The following KIAA0753 variants were observed in gnomAD, a reference collection of about 807,000 sequenced individuals.
The protein encoded by KIAA0753 is KIAA0753.
KIAA0753 carries 114 observed loss-of-function variants against 116.9 expected under a neutral mutation model. That is an observed-to-expected ratio of 0.98 (90% CI 0.84 to 1.14). The LOEUF (loss-of-function observed/expected upper bound fraction) is 1.14. Ranked by LOEUF, KIAA0753 falls within the 50% of genes most tolerant of loss-of-function variation. The pLI is 0.00. For synonymous variants in KIAA0753, 405 were observed against 413.1 expected (o/e 0.98, Z 0.24); for missense variants, 1,156 against 1,172.4 (o/e 0.99, Z 0.20).
At chr17:6,633,232 G>C (rs1972110816) in intron 2 of KIAA0753, among the ~76,000 whole-genome samples, 1 of 152,218 alleles carries the variant, frequency 6.6e-6, no homozygotes, top group African/African-American at 2.4e-5. Context: ...GTTAGCATTT[G>C]AGGAATCTGG....
intron 18 of KIAA0753, among the ~76,000 whole-genome samples, chr17:6,583,032 A>G (rs899922547): frequency 4.6e-5 from 7 of 152,116 alleles, no homozygotes; most frequent in African/African-American, 1.2e-4. Context: ...ATGCCTCCCT[A>G]TATTTCTGAC....
intron 12 of KIAA0753, among the ~76,000 whole-genome samples, chr17:6,600,694 T>C (rs1969807224): frequency 6.6e-6 from 1 of 152,132 alleles, no homozygotes. Flanking sequence ...ACAGTGCTGT[T>C]CCTAGGCCTT....
intron 16 of KIAA0753, among the ~76,000 whole-genome samples, chr17:6,593,555 T>G (rs1969242938): frequency 6.6e-6 from 1 of 151,182 alleles, no homozygotes; most frequent in Non-Finnish European, 1.5e-5. Context: ...ATCCCAGCAC[T>G]TCAGGAGGCA....
chr17:6,582,471 A>G (rs1172169754), intron 18 of KIAA0753, among the ~76,000 whole-genome samples: 1 of 152,242 alleles, frequency 6.6e-6, no homozygotes, highest in South Asian at 2.1e-4. Flanking sequence ...TTACACAAAA[A>G]TGGTAAATGC....
chr17:6,611,326 G>A (rs532147505), intron 8 of KIAA0753, among the ~76,000 whole-genome samples: 1 of 151,960 alleles, frequency 6.6e-6, no homozygotes, highest in East Asian at 1.9e-4. Flanking sequence ...TTTAAGACAG[G>A]GTCTTACTCT....
intron 18 of KIAA0753, among the ~76,000 whole-genome samples, chr17:6,588,438 T>C (rs1405133544): frequency 6.6e-6 from 1 of 151,968 alleles, no homozygotes; most frequent in Non-Finnish European, 1.5e-5. Flanking sequence ...ATGAAAACCA[T>C]CCAGGAGATC....
chr17:6,590,733 T>C, intron 16 of KIAA0753, 103 bp from the exon 17 acceptor site: 2 of 1,248,548 alleles, frequency 1.6e-6, no homozygotes, highest in South Asian at 1.3e-5. Context: ...TACATGGACA[T>C]CTCTTAAGCA....
intron 12 of KIAA0753, 75 bp from the exon 13 acceptor site, chr17:6,600,533 C>T (rs1969796578): frequency 6.2e-6 from 7 of 1,128,892 alleles, no homozygotes; most frequent in Non-Finnish European, 9.3e-6. Context: ...TTTGCCACTC[C>T]AGGAGAAGGG....
chr17:6,606,896 T>A lies in KIAA0753; in HGVS notation c.1986A>T (p.Glu662Asp), dbSNP rs777991387. The change falls in exon 12 of 19, where the codon GAA (glutamate) becomes GAT (aspartate). Residue 662 changes from glutamate (E) to aspartate (D), a missense_variant. Glu to Asp is a conservative substitution (Grantham distance 45, BLOSUM62 2). Coordinates refer to ENST00000361413, the MANE Select transcript of KIAA0753 (RefSeq NM_014804.3). ...TKELNELKAE[E>D]MYRLQQLSVS... Reference sequence around the variant, plus strand: ...ACCTCAATTGTTGGAGTCTATACATTTCTTCAGCTTTGAGCTCATTCAGTT... The same window carrying A: ...ACCTCAATTGTTGGAGTCTATACATATCTTCAGCTTTGAGCTCATTCAGTT... 6.8e-6 allele frequency: 11 copies of A among 1,613,992 alleles called. No individual in the cohort carries two copies. The highest frequency in any genetic ancestry group is 9.3e-6 in the Non-Finnish European group (11 of 1,179,864).
intron 6 of KIAA0753, among the ~76,000 whole-genome samples, chr17:6,621,883 G>GCA (rs754521538): frequency 2.0e-5 from 3 of 152,112 alleles, no homozygotes; most frequent in Non-Finnish European, 4.4e-5. Context: ...TCTGAGGTCT[G>GCA]CATTTGACAA....
chr17:6,602,859 C>G (rs776751664), intron 12 of KIAA0753, among the ~76,000 whole-genome samples: 4 of 152,068 alleles, frequency 2.6e-5, no homozygotes, highest in Non-Finnish European at 4.4e-5. Flanking sequence ...AATCACTCCC[C>G]CTACGTTTAA....
chr17:6,589,895 A>G lies in KIAA0753; in HGVS notation c.2670T>C (p.Phe890=). 1 of 1,613,916 alleles carries G rather than the reference A, an allele frequency of 6.2e-7. No individual in the cohort carries two copies. Among genetic ancestry groups the G allele is most frequent in the Non-Finnish European group, 8.5e-7 (1 of 1,179,924 alleles). ...TGCTGTGCTGCATACCCGGTGGGAC[A>G]AAGAGGGGAGCTCGGCCTTCTTTCT... is the stretch of plus-strand genomic sequence containing the variant. The part of the protein sequence containing the change: ...SQQKEGRAPL[F]VPPGMQHSIG... Residue 890 remains phenylalanine, a synonymous_variant, in exon 18 of 19, where the codon TTT becomes TTC. Transcript: ENST00000361413.
rs1454385428 is a variant in KIAA0753, at chr17:6,624,839, A to T, written c.741T>A (p.Asp247Glu). 16 of 1,559,164 alleles carry T rather than the reference A, an allele frequency of 1.0e-5. No homozygotes were observed. The highest frequency in any genetic ancestry group is 4.1e-5 in the African/African-American group (3 of 73,792). ...TACGGATTCGACGTTCTTCATCTGG[A>T]TCCAAAGCTTCTTCTAGTCTATCTG... ...TKKDRLEEAL[D>E]PDEERRIRIR... The change falls in exon 4 of 19, where the codon GAT becomes GAA. Residue 247 changes from aspartate to glutamate, a missense_variant. Physicochemically the swap from Asp to Glu is conservative, Grantham distance 45. Coordinates refer to ENST00000361413, the MANE Select transcript of KIAA0753 (RefSeq NM_014804.3).
chr17:6,604,247 C>CTG (rs1970053006), intron 12 of KIAA0753, among the ~76,000 whole-genome samples: 1 of 148,218 alleles, frequency 6.7e-6, no homozygotes, highest in African/African-American at 2.5e-5. Flanking sequence ...CTCAGATGTT[C>CTG]TTTTTTTTTT....
Position 6,628,132 on chromosome 17 carries a change from C to T in KIAA0753, c.703G>A (p.Glu235Lys). ...TTTTTCTCACCTTTTTTAGTTACCT[C>T]TTCAATTTTGTGGATACAACTGCTC... ...ELSSCIHKIE[E>K]VTKKDRLEEA... The change falls in exon 3 of 19, where the codon GAG (glutamate) becomes AAG (lysine). Residue 235 changes from glutamate (E) to lysine (K), a missense_variant. Glu to Lys is a moderately conservative substitution (Grantham distance 56, BLOSUM62 1). Transcript: ENST00000361413. 1.2e-6 allele frequency: 2 copies of T among 1,607,878 alleles called. No individual in the cohort carries two copies. Among genetic ancestry groups the T allele is most frequent in the Middle Eastern group, 1.7e-4 (1 of 6,002 alleles).
At chr17:6,617,778 G>T (rs1016880929) in intron 7 of KIAA0753, among the ~76,000 whole-genome samples, 2 of 152,206 alleles carry the variant, frequency 1.3e-5, no homozygotes, top group African/African-American at 4.8e-5. Context: ...GTTCGTCATC[G>T]ATCATGCCTA....
rs773366392 is a variant in KIAA0753 at position 6,620,994 on chromosome 17, A to T, written c.1109T>A (p.Leu370Ter). The T allele has an allele frequency of 4.9e-5, 79 of 1,611,878 alleles. No homozygotes were observed. Among genetic ancestry groups the T allele is most frequent in the Non-Finnish European group, 5.8e-5 (68 of 1,179,712 alleles). The change falls in exon 7 of 19, where the codon TTG becomes TAG. Residue 370 changes from leucine to a stop codon, truncating the protein, a stop_gained. Coordinates refer to ENST00000361413, the MANE Select transcript of KIAA0753 (RefSeq NM_014804.3). LOFTEE classifies it high-confidence loss of function. ...VIDILQQIEA[L>*]ESLLEKKLSP... ...CAGTTTCTTTTCCAGGAGAGATTCC[A>T]AAGCCTGCCACAAAAACAATCAATT...
At chr17:6,598,093 G>A (rs1203305227) in intron 14 of KIAA0753, among the ~76,000 whole-genome samples, 1 of 152,052 alleles carries the variant, frequency 6.6e-6, no homozygotes, top group East Asian at 1.9e-4. Context: ...AATATACAAG[G>A]CTGATCATTC....
chr17:6,591,056 GAAGAAGAAGAAGAA>G (rs1567540748), intron 16 of KIAA0753, among the ~76,000 whole-genome samples: 1,532 of 92,518 alleles, frequency 0.017, 69 homozygotes, highest in African/African-American at 0.064. Context: ...AGAAGAAGAA[GAAGAAGAAGAAGAA>G]GAAGAAGAAG....
Sources: gnomAD v4.1 joint callset for allele counts (sites outside exome capture counted in the v4.1 genomes callset) on GRCh38, gnomAD v4.1.1 for gene constraint, MANE v1.5 for transcripts, NCBI Gene and HGNC (gene_info 2026-07-23, HGNC 2026-07-21) for gene names.